The following PLCL2 variants were observed in gnomAD, a reference collection of about 807,000 sequenced individuals.
PLCL2 encodes phospholipase C like 2.
PLCL2 carries 4 observed loss-of-function variants against 79.6 expected under a neutral mutation model. The ratio of observed to expected loss-of-function variants is 0.05; its 90% CI spans 0.02 to 0.11. The LOEUF (loss-of-function observed/expected upper bound fraction) is 0.11. Among genes scored for constraint, PLCL2 ranks in the 10% least tolerant of loss-of-function variants. The probability of loss-of-function intolerance (pLI) is 1.00; values close to 1 mark genes in which losing one functional copy is unlikely to be tolerated. For missense variants in PLCL2, 895 were observed against 1,291.0 expected (o/e 0.69, Z 4.70); for synonymous variants, 484 against 457.7 (o/e 1.06, Z -0.73).
rs148803185 is a variant in PLCL2 at position 16,910,083 on chromosome 3, A to G, written c.327+24717A>G. On this transcript the variant is annotated intron_variant, in intron 1 of 5. Transcript: ENST00000615277. ...AAGCAGCTCTCCCCACCTCTCCTGTAGCACCAGTTTTCACTCTCTACTGGA... is the reference window on the plus strand; with the variant it reads ...AAGCAGCTCTCCCCACCTCTCCTGTGGCACCAGTTTTCACTCTCTACTGGA... Among the ~76,000 whole-genome samples the G allele has an allele frequency of 7.8e-3, 1,180 of 152,254 alleles. 16 individuals are homozygous for G. The highest frequency in any genetic ancestry group is 0.027 in the African/African-American group (1,104 of 41,538).
intron 1 of PLCL2, among the ~76,000 whole-genome samples, chr3:16,918,941 C>G (rs1697060150): frequency 6.6e-6 from 1 of 152,068 alleles, no homozygotes; most frequent in Non-Finnish European, 1.5e-5. Context: ...CTTGTATCCA[C>G]TAATCCCAAA....
intron 3 of PLCL2, among the ~76,000 whole-genome samples, chr3:17,029,374 AC>A (rs1011637889): frequency 6.7e-6 from 1 of 149,076 alleles, no homozygotes; most frequent in Admixed American, 6.7e-5. Flanking sequence ...AAAAAAAAAA[AC>A]AACTGTATAG....
rs1176653722 is a variant in PLCL2, at chr3:16,971,912, G to A, written c.328-37762G>A. Among the ~76,000 whole-genome samples the A allele has an allele frequency of 2.0e-5, 3 of 152,140 alleles. No individual in the cohort carries two copies. The East Asian group carries it at 5.8e-4, about 29-fold the overall frequency. ...GTACATTGATTCCAGCATATAAACA[G>A]AACCAAAGACAAAAACCACATGATT... is the stretch of plus-strand genomic sequence containing the variant. On this transcript the variant is annotated intron_variant, in intron 1 of 5. Transcript: ENST00000615277.
intron 1 of PLCL2, among the ~76,000 whole-genome samples, chr3:16,910,877 A>G (rs575702504): frequency 6.6e-6 from 1 of 152,218 alleles, no homozygotes; most frequent in Non-Finnish European, 1.5e-5. Context: ...CATGTACTAC[A>G]TCAAGTCTAT....
chr3:17,042,736 G>A lies in PLCL2; in HGVS notation c.3019-138G>A. The A allele has an allele frequency of 7.8e-6, 5 of 641,442 alleles. No individual in the cohort carries two copies. The South Asian group carries it at 9.0e-5, about 12-fold the overall frequency. The allele number at this position is 641,442 out of a possible 1,614,324, so 39.7% of individuals were successfully genotyped here. A position where few individuals can be genotyped will look rare whatever the true frequency, so the allele number is the denominator to read the frequency against. On this transcript the variant is annotated intron_variant, in intron 3 of 5. Transcript: ENST00000615277. ...TATCATTTTCACATGCACATTTGAA[G>A]TTGAGTAGTGGAAAGTCAGATAAAA...
chr3:16,927,312 G>T (rs943459847), intron 1 of PLCL2, among the ~76,000 whole-genome samples: 1 of 151,946 alleles, frequency 6.6e-6, no homozygotes, highest in East Asian at 1.9e-4. Context: ...ATAATATTAT[G>T]CTACAAATGT....
At chr3:17,016,859 A>T (rs1290483356) in intron 3 of PLCL2, among the ~76,000 whole-genome samples, 1 of 152,208 alleles carries the variant, frequency 6.6e-6, no homozygotes, top group Non-Finnish European at 1.5e-5. Flanking sequence ...ACCCCCTAAG[A>T]CATTTGCTTG....
At chr3:16,920,438 A>G (rs74282896) in intron 1 of PLCL2, among the ~76,000 whole-genome samples, 4,431 of 152,286 alleles carry the variant, frequency 0.029, 129 homozygotes, top group East Asian at 0.17. Flanking sequence ...TTAATTTATA[A>G]AAGTTAATTT....
chr3:16,996,599 A>G (rs142925319), intron 1 of PLCL2, among the ~76,000 whole-genome samples: 1 of 152,318 alleles, frequency 6.6e-6, no homozygotes, highest in East Asian at 1.9e-4. Flanking sequence ...CTGGTCAGGA[A>G]GCCAGGGTGA....
chr3:17,056,653 TAAAG>T (rs1329686179), intron 4 of PLCL2, among the ~76,000 whole-genome samples: 1 of 152,106 alleles, frequency 6.6e-6, no homozygotes, highest in East Asian at 1.9e-4. Context: ...ATTAACATAT[TAAAG>T]AAAAAACACA....
At chr3:16,930,736 T>C (rs1487172570) in intron 1 of PLCL2, among the ~76,000 whole-genome samples, 1 of 152,168 alleles carries the variant, frequency 6.6e-6, no homozygotes, top group Non-Finnish European at 1.5e-5. Context: ...TTCTTATGCT[T>C]TGTGGAGCTC....
intron 1 of PLCL2, among the ~76,000 whole-genome samples, chr3:16,928,141 A>G (rs966729233): frequency 7.2e-5 from 11 of 152,196 alleles, no homozygotes; most frequent in African/African-American, 2.7e-4. Flanking sequence ...CTCCTATGTT[A>G]GGCACTGGGG....
At chr3:17,030,074 G>A (rs1052499689) in intron 3 of PLCL2, among the ~76,000 whole-genome samples, 1 of 152,142 alleles carries the variant, frequency 6.6e-6, no homozygotes, top group African/African-American at 2.4e-5. Context: ...GCTTGCTTGT[G>A]TGACTGGGGG....
chr3:17,087,695 T>A (rs1157355016), intron 5 of PLCL2, among the ~76,000 whole-genome samples: 1 of 152,116 alleles, frequency 6.6e-6, no homozygotes, highest in Non-Finnish European at 1.5e-5. Flanking sequence ...TTGTAACAAG[T>A]ATACCACTGT....
intron 1 of PLCL2, among the ~76,000 whole-genome samples, chr3:16,932,371 C>T (rs114744207): frequency 1.4e-4 from 21 of 152,260 alleles, no homozygotes; most frequent in African/African-American, 4.6e-4. Context: ...TGATGTTTTC[C>T]TAAGACAATT....
At chr3:17,081,402 G>A (rs765338327) in intron 5 of PLCL2, 31 of 352,730 alleles carry the variant, frequency 8.8e-5, no homozygotes, top group African/African-American at 5.3e-4. Context: ...CTTAGCTGCC[G>A]CACTGGATCC....
Position 17,011,983 on chromosome 3 carries a change from T to C in PLCL2, c.2637T>C (p.Ala879=), listed in dbSNP as rs1483444546. 6.2e-7 allele frequency: 1 copy of C among 1,614,024 alleles called. No individual in the cohort carries two copies. The highest frequency in any genetic ancestry group is 8.5e-7 in the Non-Finnish European group (1 of 1,179,994). Residue 879 remains alanine, a synonymous_variant, in exon 2 of 6, where the codon GCT becomes GCC. Coordinates refer to ENST00000615277, the MANE Select transcript of PLCL2 (RefSeq NM_001144382.2). The surrounding 1 kb of genome is among the most constrained non-coding windows in gnomAD (Gnocchi z 7.9). The part of the protein sequence containing the change: ...LAHASLFVHV[A]ITNRRGGGKP... The stretch of plus-strand genomic sequence containing the variant: ...ATGCTTCTTTATTTGTCCACGTGGC[T>C]ATTACTAACCGAAGAGGAGGAGGAA...
chr3:16,935,328 A>C (rs1697514329), intron 1 of PLCL2, among the ~76,000 whole-genome samples: 1 of 151,572 alleles, frequency 6.6e-6, no homozygotes, highest in Non-Finnish European at 1.5e-5. Flanking sequence ...TTGTTGCAGG[A>C]TTTCTCTCAT....
At chr3:17,055,972 G>A (rs2064888256) in intron 4 of PLCL2, among the ~76,000 whole-genome samples, 1 of 152,136 alleles carries the variant, frequency 6.6e-6, no homozygotes, top group African/African-American at 2.4e-5. Context: ...GGAAGTTTTG[G>A]GGACACTTGC....
Sources: gnomAD v4.1 joint callset for allele counts (sites outside exome capture counted in the v4.1 genomes callset) on GRCh38, gnomAD v4.1.1 for gene constraint, Gnocchi (gnomAD v3.1) non-coding constraint, MANE v1.5 for transcripts, NCBI Gene and HGNC (gene_info 2026-07-23, HGNC 2026-07-21) for gene names.